Variants in TTLL10 observed in about 807,000 individuals in gnomAD.
The protein encoded by TTLL10 is inactive polyglycylase TTLL10.
Under a neutral mutation model 69.0 loss-of-function variants are expected in TTLL10, and 61 were observed. The observed-to-expected ratio is 0.88, with a 90% CI of 0.72 to 1.09. The LOEUF is 1.09. Among genes scored for constraint, TTLL10 ranks in the 50% least tolerant of loss-of-function variants. The pLI is 0.00. For missense variants in TTLL10, 962 were observed against 945.9 expected, an observed-to-expected ratio of 1.02 and a Z score of -0.22; for synonymous variants, 408 against 393.3, an observed-to-expected ratio of 1.04 and a Z score of -0.44.
chr1:1,195,725 T>C (rs1279071593), intron 13 of TTLL10, among the ~76,000 whole-genome samples: 1 of 151,958 alleles, frequency 6.6e-6, no homozygotes, highest in Non-Finnish European at 1.5e-5. Context: ...CCACAGCCTC[T>C]GCCTCTTGGG....
Position 1,196,592 on chromosome 1 carries a change from C to T in TTLL10, c.1402-8C>T. On this transcript the variant is annotated splice_polypyrimidine_tract_variant and splice_region_variant and intron_variant, in intron 13 of 15. Transcript: ENST00000379289. ...CCGCAGCCAGGATGCCTCCCTGCCT[C>T]CCTGCAGAAGCGGATGCAGCAGATC... 6.5e-7 allele frequency: 1 copy of T among 1,549,938 alleles called. No homozygotes were observed. Among genetic ancestry groups the T allele is most frequent in the Admixed American group, 2.0e-5 (1 of 51,002 alleles).
chr1:1,177,319 T>TC lies in TTLL10; in HGVS notation c.-27-1870_-27-1869insC, dbSNP rs201772131. The stretch of plus-strand genomic sequence containing the variant: ...GTGTAAATGTGTCTGTGTGTCATTC[T>TC]TTTTTTTTTTGAGACGGAGTCTCGC... On this transcript the variant is annotated intron_variant, in intron 3 of 15. Transcript: ENST00000379289. Among the ~76,000 whole-genome samples, 23 of 125,948 alleles carry TC rather than the reference T, an allele frequency of 1.8e-4. 1 individual carries two copies. The East Asian group carries it at 5.0e-3, about 27-fold the overall frequency. The allele number at this position is 125,948 out of a possible 152,430, so 82.6% of individuals were successfully genotyped here.
intron 5 of TTLL10, 97 bp downstream of exon 5, chr1:1,179,834 G>C: frequency 6.9e-7 from 1 of 1,458,758 alleles, no homozygotes; most frequent in Non-Finnish European, 9.0e-7. Flanking sequence ...CTGGAGGGTG[G>C]TCACGGCCCC....
chr1:1,195,344 AAC>A, intron 13 of TTLL10, among the ~76,000 whole-genome samples: 1 of 152,184 alleles, frequency 6.6e-6, no homozygotes, highest in Middle Eastern at 3.4e-3. Flanking sequence ...CCTATCTGCA[AAC>A]AATTCAAATC....
chr1:1,181,395 C>A lies in TTLL10; in HGVS notation c.756-346C>A, dbSNP rs1326770849. ...ATCCTAGCGACTTCGTCCTCCTGCT[C>A]CCAGCCCTGCCCACTGCCCTTCTAT... On this transcript the variant is annotated intron_variant, in intron 8 of 15. Transcript: ENST00000379289. This position sits in a 1 kb window ranked among gnomAD's most constrained non-coding sequence, Gnocchi z 4.6. 6.6e-6 allele frequency among the ~76,000 whole-genome samples: 1 copy of A among 152,072 alleles called. No homozygotes were observed. Among genetic ancestry groups the A allele is most frequent in the East Asian group, 1.9e-4 (1 of 5,178 alleles).
Position 1,197,536 on chromosome 1 carries a change from G to GA in TTLL10, c.1712dup (p.Asp571GlufsTer99). The GA allele has an allele frequency of 1.3e-6, 2 of 1,528,978 alleles. No homozygotes were observed. The highest frequency in any genetic ancestry group is 1.4e-5 in the African/African-American group (1 of 72,436). The allele number at this position is 1,528,978 out of a possible 1,614,324, so 94.7% of individuals were successfully genotyped here. A position where few individuals can be genotyped will look rare whatever the true frequency, so the allele number is the denominator to read the frequency against. On this transcript the variant is annotated frameshift_variant, in exon 16 of 16. Coordinates refer to ENST00000379289, the MANE Select transcript of TTLL10 (RefSeq NM_001130045.2). LOFTEE classifies it high-confidence loss of function. ...CGTGCTCCTGCACAACGGTGAGGCC[G>GA]ACCCGCGGCCGCACCTGGGGGGCTC...
intron 3 of TTLL10, chr1:1,175,572 C>G (rs1008175592): frequency 1.3e-5 from 5 of 387,250 alleles, no homozygotes; most frequent in Admixed American, 9.2e-5. Flanking sequence ...TGCTTGTGTT[C>G]CCGCCTATCC....
intron 13 of TTLL10, among the ~76,000 whole-genome samples, chr1:1,192,308 A>G (rs1160693747): frequency 6.6e-6 from 1 of 152,258 alleles, no homozygotes; most frequent in Non-Finnish European, 1.5e-5. Flanking sequence ...ATCGTTATAA[A>G]AATTTTCCTT....
Position 1,174,292 on chromosome 1 carries a change from C to T in TTLL10, c.-123C>T, listed in dbSNP as rs1324268137. ...TCGTGCGTCCTTTGACAGCGGCCTC[C>T]GGCCGGGAGGCACCAGCTCTTCGAA... is the stretch of plus-strand genomic sequence containing the variant. On this transcript the variant is annotated 5_prime_UTR_variant, in exon 2 of 16. Transcript: ENST00000379289. 2 of 152,690 alleles carry T rather than the reference C, an allele frequency of 1.3e-5. No individual in the cohort carries two copies. The highest frequency in any genetic ancestry group is 2.9e-5 in the Non-Finnish European group (2 of 68,084). The allele number at this position is 152,690 out of a possible 1,614,324, so 9.5% of individuals were successfully genotyped here.
In TTLL10 at chr1:1,185,131, G is replaced by T; in HGVS notation, c.1401+22G>T. ...CAAGGTGCGTCCACTGTGCCCTCCA[G>T]TCTGGGAGTGAGATCCCTCGGGGCG... On this transcript the variant is annotated intron_variant, in intron 13 of 15. Transcript: ENST00000379289. The surrounding 1 kb of genome is among the most constrained non-coding windows in gnomAD (Gnocchi z 6.1). 2.5e-6 allele frequency: 4 copies of T among 1,605,692 alleles called. No homozygotes were observed. The highest frequency in any genetic ancestry group is 3.4e-6 in the Non-Finnish European group (4 of 1,174,888).
chr1:1,182,705 G>A (rs1049436351), intron 10 of TTLL10, among the ~76,000 whole-genome samples, 171 bp from the exon 11 acceptor site: 6 of 152,106 alleles, frequency 3.9e-5, no homozygotes, highest in East Asian at 3.9e-4. Context: ...CCGGGTGAGC[G>A]TGGTCGAGGC....
intron 5 of TTLL10, 30 bp downstream of exon 5, chr1:1,179,767 GC>G: frequency 6.5e-7 from 1 of 1,528,650 alleles, no homozygotes; most frequent in Non-Finnish European, 8.8e-7. Flanking sequence ...CGACCTCCCT[GC>G]CCCCTGCTCC....
Position 1,185,161 on chromosome 1 carries a change from T to G in TTLL10, c.1401+52T>G, listed in dbSNP as rs763240274. The G allele has an allele frequency of 1.3e-5, 21 of 1,591,814 alleles. No homozygotes were observed. The highest frequency in any genetic ancestry group is 1.7e-5 in the Non-Finnish European group (20 of 1,167,368). ...GGAGTGAGATCCCTCGGGGCGGGGG[T>G]GTGTGGTCAGGCTGGGCACCAGGCA... On this transcript the variant is annotated intron_variant, in intron 13 of 15. Coordinates refer to ENST00000379289, the MANE Select transcript of TTLL10 (RefSeq NM_001130045.2). This position sits in a 1 kb window ranked among gnomAD's most constrained non-coding sequence, Gnocchi z 6.1.
intron 5 of TTLL10, 69 bp from the exon 6 acceptor site, chr1:1,179,965 G>C: frequency 6.9e-7 from 1 of 1,451,428 alleles, no homozygotes; most frequent in Non-Finnish European, 9.1e-7. Flanking sequence ...GAGCAAACTG[G>C]CTGAGCCATG....
chr1:1,182,818 A>C (rs1647113664), intron 10 of TTLL10, 58 bp from the exon 11 acceptor site: 1 of 1,497,704 alleles, frequency 6.7e-7, no homozygotes, highest in Admixed American at 2.2e-5. Context: ...GTCGGGCCCT[A>C]GGAGGGGCGT....
intron 3 of TTLL10, 119 bp from the exon 4 acceptor site, chr1:1,179,070 G>T (rs1040177407): frequency 1.5e-6 from 1 of 667,668 alleles, no homozygotes; most frequent in Non-Finnish European, 2.5e-6. Flanking sequence ...CAAGCCCACG[G>T]CCCTGGGAGG....
chr1:1,191,551 G>A (rs1442208231), intron 13 of TTLL10, among the ~76,000 whole-genome samples: 1 of 152,222 alleles, frequency 6.6e-6, no homozygotes, highest in Non-Finnish European at 1.5e-5. Flanking sequence ...CACTGGAGAA[G>A]GAGGTGTATC....
In TTLL10 at chr1:1,197,472, C is replaced by T. The variant is rs1298486951; in HGVS notation, c.1647C>T (p.Arg549=). ...TCGAGACCTTCCGGAAGAGCCTGCGCGGCCAGAAGATGTTGCCTCTGCTGT... is the reference window on the plus strand; with the variant it reads ...TCGAGACCTTCCGGAAGAGCCTGCGTGGCCAGAAGATGTTGCCTCTGCTGT... ...LVLETFRKSL[R]GQKMLPLLSQ... is the part of the protein sequence containing the mutation. Residue 549 remains arginine, a synonymous_variant, in exon 16 of 16, where the codon CGC becomes CGT. Transcript: ENST00000379289. 9.7e-6 allele frequency: 15 copies of T among 1,545,820 alleles called. No individual in the cohort carries two copies. The highest frequency in any genetic ancestry group is 7.3e-5 in the East Asian group (3 of 40,838).
intron 11 of TTLL10, 54 bp from the exon 12 acceptor site, chr1:1,183,866 C>T: frequency 1.2e-6 from 2 of 1,605,286 alleles, no homozygotes; most frequent in Non-Finnish European, 1.7e-6. Flanking sequence ...TGAGGGGATG[C>T]AGGCCAGGCT....
Sources: allele counts gnomAD v4.1 joint callset (sites outside exome capture counted in the v4.1 genomes callset), GRCh38; gene constraint gnomAD v4.1.1; non-coding constraint Gnocchi (gnomAD v3.1); transcripts MANE v1.5; gene names NCBI Gene and HGNC (gene_info 2026-07-23, HGNC 2026-07-21).